KIF5C: variants seen among roughly 807,000 people sequenced by gnomAD.
KIF5C encodes kinesin family member 5C.
In KIF5C, 18 loss-of-function variants were observed where a neutral mutation model predicts 125.2. The ratio of observed to expected loss-of-function variants is 0.14; its 90% CI spans 0.10 to 0.21. The LOEUF (loss-of-function observed/expected upper bound fraction) is 0.21, where lower values mean the gene tolerates loss of function less well. Ranked by LOEUF, KIF5C falls within the 10% of genes least tolerant of loss-of-function variation. The probability of loss-of-function intolerance (pLI) is 1.00; values close to 1 mark genes in which losing one functional copy is unlikely to be tolerated. For missense variants in KIF5C, 780 were observed against 1,183.8 expected (o/e 0.66, Z 5.01); for synonymous variants, 405 against 434.0 (o/e 0.93, Z 0.83).
intron 25 of KIF5C, among the ~76,000 whole-genome samples, chr2:149,021,070 T>C (rs777172079): frequency 6.6e-6 from 1 of 152,202 alleles, no homozygotes; most frequent in African/African-American, 2.4e-5. Flanking sequence ...TGTTTTTGTT[T>C]TTGTTTTTTT....
intron 7 of KIF5C, among the ~76,000 whole-genome samples, chr2:148,944,775 G>A (rs1026957979): frequency 6.6e-6 from 1 of 152,130 alleles, no homozygotes; most frequent in Non-Finnish European, 1.5e-5. Context: ...CCTAACAGCA[G>A]TACATCAGAG....
intron 21 of KIF5C, among the ~76,000 whole-genome samples, chr2:149,001,304 CGAA>C (rs1195823888): frequency 6.6e-6 from 1 of 152,062 alleles, no homozygotes; most frequent in Non-Finnish European, 1.5e-5. Context: ...AGCAGGGACT[CGAA>C]GAAGGAGAAG....
intron 17 of KIF5C, among the ~76,000 whole-genome samples, chr2:148,995,966 C>G (rs1249907105): frequency 6.6e-6 from 1 of 151,958 alleles, no homozygotes; most frequent in Non-Finnish European, 1.5e-5. Flanking sequence ...ACCAGCCTGG[C>G]CAACATGGTG....
At chr2:148,878,014 C>T (rs913517326) in intron 1 of KIF5C, 4 of 152,020 alleles carry the variant, frequency 2.6e-5, no homozygotes, top group African/African-American at 4.8e-5. Context: ...GCTTTTCAAC[C>T]GTAAAGTAAG....
chr2:148,933,475 C>A (rs1158392863), intron 3 of KIF5C, among the ~76,000 whole-genome samples: 1 of 151,848 alleles, frequency 6.6e-6, no homozygotes, highest in East Asian at 1.9e-4. Flanking sequence ...CGTAAACACA[C>A]ACACAGACAT....
intron 16 of KIF5C, 71 bp from the exon 17 acceptor site, chr2:148,994,350 A>G: frequency 6.6e-7 from 1 of 1,517,680 alleles, no homozygotes; most frequent in East Asian, 2.5e-5. Context: ...GCATTTTCCT[A>G]CCAGACAATT....
chr2:148,950,856 T>A (rs1196279005), intron 10 of KIF5C, among the ~76,000 whole-genome samples: 1 of 151,078 alleles, frequency 6.6e-6, no homozygotes, highest in East Asian at 1.9e-4. Flanking sequence ...TGTCAGAGAA[T>A]CACAAAGTAA....
chr2:149,006,442 C>A (rs1055716076), intron 22 of KIF5C, among the ~76,000 whole-genome samples: 1 of 152,054 alleles, frequency 6.6e-6, no homozygotes, highest in Admixed American at 6.6e-5. Flanking sequence ...CATTTGATGA[C>A]TTGGGTCTTC....
At chr2:148,960,499 G>C (rs2105128651) in intron 10 of KIF5C, among the ~76,000 whole-genome samples, 1 of 152,344 alleles carries the variant, frequency 6.6e-6, no homozygotes, top group Non-Finnish European at 1.5e-5. Flanking sequence ...CTTTAAAGTA[G>C]TAATAAAATT....
intron 10 of KIF5C, among the ~76,000 whole-genome samples, chr2:148,952,307 C>G (rs1219444946): frequency 6.6e-6 from 1 of 152,190 alleles, no homozygotes; most frequent in African/African-American, 2.4e-5. Context: ...TATTCTGGCT[C>G]TTCTCAAGCC....
intron 1 of KIF5C, among the ~76,000 whole-genome samples, chr2:148,897,078 C>A (rs1453048381): frequency 1.3e-5 from 2 of 152,132 alleles, no homozygotes; most frequent in Non-Finnish European, 2.9e-5. Context: ...GGTGATCTGC[C>A]CGTCTTGGCC....
chr2:148,987,243 C>G (rs959629381), intron 15 of KIF5C, among the ~76,000 whole-genome samples: 5 of 152,196 alleles, frequency 3.3e-5, no homozygotes, highest in African/African-American at 1.2e-4. Flanking sequence ...AGTAGGAAAA[C>G]ATGTATGCAA....
chr2:148,965,780 G>A (rs1002330382), intron 11 of KIF5C, among the ~76,000 whole-genome samples: 1 of 152,170 alleles, frequency 6.6e-6, no homozygotes, highest in African/African-American at 2.4e-5. Flanking sequence ...TCTGAACTGA[G>A]TGGGCCTGAC....
chr2:148,938,593 C>G (rs1335103552), intron 4 of KIF5C, among the ~76,000 whole-genome samples: 1 of 152,172 alleles, frequency 6.6e-6, no homozygotes, highest in Non-Finnish European at 1.5e-5. Flanking sequence ...ATTGGCCCAG[C>G]CTACATAGGT....
chr2:148,937,260 C>T (rs541496957), intron 3 of KIF5C, 24 bp from the exon 4 acceptor site: 49 of 1,565,348 alleles, frequency 3.1e-5, no homozygotes, highest in South Asian at 2.1e-4. Context: ...TTTAACTGCC[C>T]GTGTTTGTAT....
In KIF5C at chr2:148,973,562, G is replaced by A. The variant is rs992649420; in HGVS notation, c.1293+51G>A. ...TCATTCTGCTACAAAGATGAAAGAT[G>A]GCAGGTCCCAGCTCCCTATGGGGCT... On this transcript the variant is annotated intron_variant, in intron 12 of 25. Transcript: ENST00000435030. 29 of 1,535,670 alleles carry A rather than the reference G, an allele frequency of 1.9e-5. No individual in the cohort carries two copies. The African/African-American group carries it at 3.0e-4, about 16-fold the overall frequency.
chr2:148,969,376 C>T (rs1053498739), intron 11 of KIF5C, among the ~76,000 whole-genome samples: 8 of 149,480 alleles, frequency 5.4e-5, no homozygotes, highest in African/African-American at 7.4e-5. Flanking sequence ...TTACATCTGA[C>T]GATAGTAAAT....
intron 12 of KIF5C, among the ~76,000 whole-genome samples, chr2:148,977,881 A>T (rs919639323): frequency 2.0e-5 from 3 of 152,170 alleles, no homozygotes; most frequent in African/African-American, 7.2e-5. Flanking sequence ...CCAGGCCCTT[A>T]AGTTTGGGTT....
intron 7 of KIF5C, among the ~76,000 whole-genome samples, chr2:148,944,299 CTG>C (rs939462293): frequency 6.6e-6 from 1 of 152,184 alleles, no homozygotes; most frequent in Non-Finnish European, 1.5e-5. Context: ...AACCAAAACT[CTG>C]TACCCAATAA....
Sources: gnomAD v4.1 joint callset for allele counts (sites outside exome capture counted in the v4.1 genomes callset) on GRCh38, gnomAD v4.1.1 for gene constraint, MANE v1.5 for transcripts, NCBI Gene and HGNC (gene_info 2026-07-23, HGNC 2026-07-21) for gene names.